Variants in NDUFA10 observed in about 807,000 individuals in gnomAD.
NDUFA10 encodes NADH dehydrogenase [ubiquinone] 1 alpha subcomplex subunit 10, mitochondrial.
In NDUFA10, 40 loss-of-function variants were observed where a neutral mutation model predicts 47.8. The observed-to-expected ratio is 0.84, with a 90% CI of 0.65 to 1.09. The LOEUF (loss-of-function observed/expected upper bound fraction) is 1.09. Among genes scored for constraint, NDUFA10 ranks in the 50% least tolerant of loss-of-function variants. The probability of loss-of-function intolerance (pLI) is 0.00; values close to 1 mark genes in which losing one functional copy is unlikely to be tolerated. For synonymous variants in NDUFA10, 183 were observed against 172.2 expected, an observed-to-expected ratio of 1.06 and a Z score of -0.49; for missense variants, 413 against 451.1, an observed-to-expected ratio of 0.92 and a Z score of 0.76.
chr2:239,893,035 C>T (rs1162873640), intron 5 of NDUFA10, among the ~76,000 whole-genome samples: 3 of 152,150 alleles, frequency 2.0e-5, no homozygotes, highest in African/African-American at 7.2e-5. Context: ...AGCCGGGACC[C>T]TCACTGGGGG....
chr2:239,964,089 G>C (rs543284348), intron 9 of NDUFA10, among the ~76,000 whole-genome samples: 1 of 152,286 alleles, frequency 6.6e-6, no homozygotes, highest in African/African-American at 2.4e-5. Flanking sequence ...TGCATGTGCA[G>C]GGGGCTGGTA....
Position 240,021,316 on chromosome 2 carries a change from A to T in NDUFA10, c.341T>A (p.Leu114Ter). ...LATDYNGNCS[L>*]EKFYDDPRSN... Reference sequence around the variant, plus strand: ...TCTCGGATCATCGTAAAATTTCTCCAAACTACAGTTGCCATTATAGTCGGT... The same window carrying T: ...TCTCGGATCATCGTAAAATTTCTCCTAACTACAGTTGCCATTATAGTCGGT... The change falls in exon 3 of 10, where the codon TTG becomes TAG. Residue 114 changes from leucine to a stop codon, truncating the protein, a stop_gained. Coordinates refer to ENST00000252711, the MANE Select transcript of NDUFA10 (RefSeq NM_004544.4). LOFTEE classifies it high-confidence loss of function. 1 of 1,614,192 alleles carries T rather than the reference A, an allele frequency of 6.2e-7. No individual in the cohort carries two copies. Among genetic ancestry groups the T allele is most frequent in the Non-Finnish European group, 8.5e-7 (1 of 1,180,024 alleles).
chr2:240,014,562 G>C (rs1031267680), intron 5 of NDUFA10, 177 bp downstream of exon 5: 12 of 1,010,736 alleles, frequency 1.2e-5, no homozygotes, highest in Non-Finnish European at 1.8e-5. Flanking sequence ...ACCAGGCCGA[G>C]CCATGGGGTC....
chr2:239,985,838 G>C (rs1208398854), intron 9 of NDUFA10, among the ~76,000 whole-genome samples: 1 of 151,356 alleles, frequency 6.6e-6, no homozygotes, highest in Non-Finnish European at 1.5e-5. Context: ...TTGAACCTGG[G>C]AGGCAGAGGT....
chr2:239,931,353 C>T (rs75881213), intron 4 of NDUFA10, among the ~76,000 whole-genome samples: 14 of 152,342 alleles, frequency 9.2e-5, no homozygotes, highest in South Asian at 2.1e-4. Flanking sequence ...CCCTCTCCTT[C>T]GATGACACTT....
intron 9 of NDUFA10, among the ~76,000 whole-genome samples, chr2:239,967,252 G>A (rs1471344253): frequency 6.6e-6 from 1 of 152,200 alleles, no homozygotes; most frequent in African/African-American, 2.4e-5. Flanking sequence ...CAGAGCCTTG[G>A]TTTCTCGTTA....
In NDUFA10 at chr2:239,928,753, C is replaced by T. The variant is rs1416100578; in HGVS notation, c.295-33439G>A. ...TCTGTGCAAGGATGTCAGACCCTTCCGCGTTCCCTGCAGCGTCCCTTCCAA... is the reference window on the plus strand; with the variant it reads ...TCTGTGCAAGGATGTCAGACCCTTCTGCGTTCCCTGCAGCGTCCCTTCCAA... On this transcript the variant is annotated intron_variant, in intron 4 of 5. Coordinates refer to the NDUFA10 transcript ENST00000419408. This position sits in a 1 kb window ranked among gnomAD's most constrained non-coding sequence, Gnocchi z 4.3. Among the ~76,000 whole-genome samples, 2 of 152,184 alleles carry T rather than the reference C, an allele frequency of 1.3e-5. No homozygotes were observed. The highest frequency in any genetic ancestry group is 2.9e-5 in the Non-Finnish European group (2 of 68,044).
At chr2:239,911,680 C>CGTGTGT (rs112686987) in intron 4 of NDUFA10, among the ~76,000 whole-genome samples, 11 of 149,850 alleles carry the variant, frequency 7.3e-5, no homozygotes, top group Middle Eastern at 6.9e-3. Context: ...AGTGTGTGTG[C>CGTGTGT]GTGTGTGTGT....
intron 9 of NDUFA10, among the ~76,000 whole-genome samples, chr2:239,986,824 T>C (rs945035687): frequency 2.6e-5 from 4 of 152,202 alleles, no homozygotes; most frequent in Non-Finnish European, 5.9e-5. Context: ...CTCAAAATAC[T>C]GACTAAATAT....
Position 239,960,999 on chromosome 2 carries a change from C to T in NDUFA10, c.*119G>A. The stretch of plus-strand genomic sequence containing the variant: ...GCTTTTTGTGAGACCCCTTCTTCCA[C>T]TGTGCAATTTTTGCATTATTTACCC... On this transcript the variant is annotated 3_prime_UTR_variant, in exon 10 of 10. Coordinates refer to ENST00000252711, the MANE Select transcript of NDUFA10 (RefSeq NM_004544.4). 1 of 1,554,856 alleles carries T rather than the reference C, an allele frequency of 6.4e-7. No homozygotes were observed. The highest frequency in any genetic ancestry group is 8.7e-7 in the Non-Finnish European group (1 of 1,150,568).
chr2:239,962,699 C>G (rs960516112), intron 9 of NDUFA10, among the ~76,000 whole-genome samples: 8 of 152,152 alleles, frequency 5.3e-5, no homozygotes, highest in Admixed American at 6.5e-5. Flanking sequence ...GTTCTGCAGG[C>G]TGTGTGGGAA....
chr2:239,954,407 G>A (rs1455000154), downstream of NDUFA10, among the ~76,000 whole-genome samples: 2 of 152,248 alleles, frequency 1.3e-5, no homozygotes, highest in African/African-American at 2.4e-5. Flanking sequence ...GCTGGGCAGA[G>A]TGCCAGCCAG....
chr2:240,014,640 A>G, intron 5 of NDUFA10, 99 bp downstream of exon 5: 8 of 1,551,484 alleles, frequency 5.2e-6, no homozygotes, highest in Non-Finnish European at 7.1e-6. Context: ...CCTCGTGAGG[A>G]CTGGTAGGAA....
chr2:239,990,929 T>C (rs1696220020), intron 8 of NDUFA10, among the ~76,000 whole-genome samples: 1 of 152,096 alleles, frequency 6.6e-6, no homozygotes, highest in Non-Finnish European at 1.5e-5. Context: ...TAAAATAAAG[T>C]CTCTTTTCTT....
In NDUFA10 at chr2:239,960,784, T is replaced by C. The variant is rs1274851562; in HGVS notation, c.*334A>G. The C allele has an allele frequency of 1.9e-5, 24 of 1,237,688 alleles. No individual in the cohort carries two copies. The highest frequency in any genetic ancestry group is 2.3e-5 in the Non-Finnish European group (22 of 974,968). The allele number at this position is 1,237,688 out of a possible 1,614,324, so 76.7% of individuals were successfully genotyped here. A position where few individuals can be genotyped will look rare whatever the true frequency, so the allele number is the denominator to read the frequency against. On this transcript the variant is annotated 3_prime_UTR_variant, in exon 10 of 10. Coordinates refer to ENST00000252711, the MANE Select transcript of NDUFA10 (RefSeq NM_004544.4). ...TTTCTGGAAGTCAGAAGAAAAACAA[T>C]GTGCACAACCTGAATGACACAGAGC...
At chr2:239,965,266 G>A (rs1695011920) in intron 9 of NDUFA10, among the ~76,000 whole-genome samples, 1 of 151,898 alleles carries the variant, frequency 6.6e-6, no homozygotes, top group Non-Finnish European at 1.5e-5. Flanking sequence ...CAGATCCTGG[G>A]GTCTCTTTTC....
At chr2:239,899,002 AGGTGTGATGGAGG>A (rs1313289707) in intron 4 of NDUFA10, among the ~76,000 whole-genome samples, 2 of 52,726 alleles carry the variant, frequency 3.8e-5, no homozygotes, top group Non-Finnish European at 8.0e-5. Context: ...TGTGATGGAG[AGGTGTGATGGAGG>A]GGAGTCATGG....
chr2:239,977,275 C>T (rs138362186), intron 9 of NDUFA10, among the ~76,000 whole-genome samples: 187 of 152,306 alleles, frequency 1.2e-3, no homozygotes, highest in African/African-American at 4.3e-3. Context: ...GGTGGGCGAG[C>T]ACAGGCACCT....
chr2:239,944,315 T>G (rs373888245), intron 4 of NDUFA10, among the ~76,000 whole-genome samples: 1 of 152,198 alleles, frequency 6.6e-6, no homozygotes, highest in African/African-American at 2.4e-5. Flanking sequence ...GCTGTTTGGG[T>G]CTGGCGTCTG....
Sources: gnomAD v4.1 joint callset for allele counts (sites outside exome capture counted in the v4.1 genomes callset) on GRCh38, gnomAD v4.1.1 for gene constraint, Gnocchi (gnomAD v3.1) non-coding constraint, MANE v1.5 for transcripts, NCBI Gene and HGNC (gene_info 2026-07-23, HGNC 2026-07-21) for gene names.